The following CNBD1 variants were observed in gnomAD, a reference collection of about 807,000 sequenced individuals.
CNBD1 encodes the protein cyclic nucleotide binding domain containing 1, also known as cyclic nucleotide-binding domain-containing protein 1.
CNBD1 carries 71 observed loss-of-function variants against 54.4 expected under a neutral mutation model. The observed-to-expected ratio is 1.30, with a 90% CI of 1.08 to 1.59. The LOEUF is 1.59. Among genes scored for constraint, CNBD1 ranks in the 40% most tolerant of loss-of-function variants. CNBD1 has a pLI of 0.00. For missense variants in CNBD1, 659 were observed against 518.0 expected, an observed-to-expected ratio of 1.27 and a Z score of -2.64; for synonymous variants, 182 against 170.7, an observed-to-expected ratio of 1.07 and a Z score of -0.51.
intron 2 of CNBD1, among the ~76,000 whole-genome samples, chr8:87,408,490 C>A (rs1047616786): frequency 8.6e-5 from 13 of 151,970 alleles, no homozygotes; most frequent in Non-Finnish European, 1.6e-4. Flanking sequence ...ACTTGATATT[C>A]TATTTAATTG....
intron 4 of CNBD1, among the ~76,000 whole-genome samples, chr8:86,989,253 C>T (rs1808682339): frequency 6.6e-6 from 1 of 151,970 alleles, no homozygotes; most frequent in Admixed American, 6.6e-5. Context: ...GCGATCATGC[C>T]ACTGCAGCCC....
chr8:87,010,301 C>A (rs1480931012), intron 4 of CNBD1, among the ~76,000 whole-genome samples: 1 of 151,626 alleles, frequency 6.6e-6, no homozygotes, highest in East Asian at 1.9e-4. Flanking sequence ...TTTTCTTATT[C>A]TTTCATCTCT....
intron 4 of CNBD1, among the ~76,000 whole-genome samples, chr8:87,129,351 A>T (rs1279722430): frequency 6.6e-6 from 1 of 151,980 alleles, no homozygotes; most frequent in Non-Finnish European, 1.5e-5. Flanking sequence ...CTATATATCT[A>T]TGTGTATCTA....
chr8:86,949,390 T>C (rs1807549152), intron 4 of CNBD1, among the ~76,000 whole-genome samples: 1 of 152,206 alleles, frequency 6.6e-6, no homozygotes, highest in Non-Finnish European at 1.5e-5. Context: ...GAACATGGAA[T>C]ATCTTTCCAT....
rs79665743 is a variant in CNBD1, at chr8:87,039,716, C to T, written c.431+99962C>T. Among the ~76,000 whole-genome samples the T allele has an allele frequency of 7.0e-3, 1,058 of 152,104 alleles. 13 individuals carry two copies. The highest frequency in any genetic ancestry group is 0.012 in the South Asian group (60 of 4,820). On this transcript the variant is annotated intron_variant, in intron 4 of 10. Transcript: ENST00000518476. ...TTGTAATTACTCAAATTAGTCTCCT[C>T]GAGAATTTGGGGATTGACATTTTTA...
At chr8:87,218,124 C>A (rs1814252829) in intron 5 of CNBD1, among the ~76,000 whole-genome samples, 1 of 152,020 alleles carries the variant, frequency 6.6e-6, no homozygotes, top group African/African-American at 2.4e-5. Context: ...TCTTCAATAT[C>A]CCAAAGCTAT....
intron 1 of CNBD1, among the ~76,000 whole-genome samples, chr8:86,877,090 C>A (rs998520995): frequency 6.6e-6 from 1 of 151,852 alleles, no homozygotes; most frequent in African/African-American, 2.4e-5. Flanking sequence ...TTTGTTGCAA[C>A]AAATATTTAA....
chr8:87,387,225 G>A (rs147304740), downstream of CNBD1, among the ~76,000 whole-genome samples: 2,872 of 152,074 alleles, frequency 0.019, 89 homozygotes, highest in African/African-American at 0.062. Flanking sequence ...AGCTAACATC[G>A]TAATGACAGG....
chr8:86,975,110 T>G (rs1455460330), intron 4 of CNBD1, among the ~76,000 whole-genome samples: 1 of 152,076 alleles, frequency 6.6e-6, no homozygotes, highest in East Asian at 1.9e-4. Context: ...AAATATTTTA[T>G]TTTTAATTGA....
intron 8 of CNBD1, among the ~76,000 whole-genome samples, chr8:87,330,944 C>G (rs1809814510): frequency 6.6e-6 from 1 of 152,146 alleles, no homozygotes; most frequent in South Asian, 2.1e-4. Context: ...CTTTGATTCA[C>G]TCTGACAATG....
chr8:87,250,299 G>T (rs1020410979), intron 6 of CNBD1, among the ~76,000 whole-genome samples: 4 of 152,108 alleles, frequency 2.6e-5, no homozygotes, highest in Non-Finnish European at 5.9e-5. Context: ...AATTAAAATG[G>T]CTGTTATCCA....
At chr8:86,991,866 G>T (rs1256645319) in intron 4 of CNBD1, among the ~76,000 whole-genome samples, 1 of 152,134 alleles carries the variant, frequency 6.6e-6, no homozygotes, top group African/African-American at 2.4e-5. Flanking sequence ...TTGCACTGTT[G>T]TAAAGAGTGT....
At chr8:87,027,540 G>T (rs181510999) in intron 4 of CNBD1, among the ~76,000 whole-genome samples, 3 of 152,280 alleles carry the variant, frequency 2.0e-5, no homozygotes, top group Non-Finnish European at 4.4e-5. Flanking sequence ...AAAGTGCTGG[G>T]ATTATAGGCA....
At position 87,224,765 on chromosome 8, in the gene CNBD1, T is replaced by G. The variant is rs1463489618; in HGVS notation, c.578-12154T>G. Among the ~76,000 whole-genome samples, 197 of 150,870 alleles carry G rather than the reference T, an allele frequency of 1.3e-3. 1 individual carries two copies. Among genetic ancestry groups the G allele is most frequent in the African/African-American group, 4.7e-3 (190 of 40,584 alleles). On this transcript the variant is annotated intron_variant, in intron 5 of 10. Coordinates refer to ENST00000518476, the MANE Select transcript of CNBD1 (RefSeq NM_173538.3). ...CCATATGAACTTTAAAGTAGTTTTTTCCAATTCTGTGAAGAAAGTCATTGG... is the reference window on the plus strand; with the variant it reads ...CCATATGAACTTTAAAGTAGTTTTTGCCAATTCTGTGAAGAAAGTCATTGG...
At chr8:87,380,518 A>T (rs751434386) in intron 10 of CNBD1, among the ~76,000 whole-genome samples, 2 of 152,050 alleles carry the variant, frequency 1.3e-5, no homozygotes, top group South Asian at 4.2e-4. Flanking sequence ...ATGGTTCCAT[A>T]TGAAATAAAA....
chr8:86,904,923 TA>T (rs1336632672), intron 2 of CNBD1, among the ~76,000 whole-genome samples, 157 bp from the exon 3 acceptor site: 2 of 152,312 alleles, frequency 1.3e-5, no homozygotes, highest in East Asian at 3.8e-4. Flanking sequence ...GAGATTTGGA[TA>T]TTTTTAAAGC....
intron 2 of CNBD1, among the ~76,000 whole-genome samples, chr8:87,393,378 T>G (rs1811348425): frequency 6.6e-6 from 1 of 151,970 alleles, no homozygotes; most frequent in African/African-American, 2.4e-5. Context: ...CCAAGTCATC[T>G]TAATTCCTTA....
At chr8:87,231,368 T>G (rs1814686690) in intron 5 of CNBD1, among the ~76,000 whole-genome samples, 1 of 152,100 alleles carries the variant, frequency 6.6e-6, no homozygotes, top group African/African-American at 2.4e-5. Context: ...GAAGAAAGAA[T>G]TCTATGTCAA....
At chr8:87,222,094 T>C (rs1315264285) in intron 5 of CNBD1, among the ~76,000 whole-genome samples, 1 of 152,074 alleles carries the variant, frequency 6.6e-6, no homozygotes, top group Admixed American at 6.6e-5. Flanking sequence ...CATAAATTAA[T>C]CCATCTGGCT....
Sources: gnomAD v4.1 joint callset for allele counts (sites outside exome capture counted in the v4.1 genomes callset) on GRCh38, gnomAD v4.1.1 for gene constraint, MANE v1.5 for transcripts, NCBI Gene and HGNC (gene_info 2026-07-23, HGNC 2026-07-21) for gene names.